The following EMILIN3 variants were observed in gnomAD, a reference collection of about 807,000 sequenced individuals.
The protein encoded by EMILIN3 is elastin microfibril interfacer 3, also known as EMILIN-3.
In EMILIN3, 38 loss-of-function variants were observed where a neutral mutation model predicts 42.8. The ratio of observed to expected loss-of-function variants is 0.89; its 90% CI spans 0.69 to 1.16. EMILIN3 has a LOEUF of 1.16. EMILIN3 is among the 50% of genes most tolerant of loss of function. EMILIN3 has a pLI of 0.00. For synonymous variants in EMILIN3, 430 were observed against 440.5 expected (o/e 0.98, Z 0.30); for missense variants, 924 against 999.5 (o/e 0.92, Z 1.02).
In EMILIN3 at chr20:41,366,253, G is replaced by C. The variant is rs2046393029; in HGVS notation, c.167+215C>G. Among the ~76,000 whole-genome samples the C allele has an allele frequency of 6.6e-6, 1 of 151,956 alleles. No individual in the cohort carries two copies. The highest frequency in any genetic ancestry group is 2.4e-5 in the African/African-American group (1 of 41,406). The stretch of plus-strand genomic sequence containing the variant: ...CCAGGATCCCAAGCCGCCGCGCCAG[G>C]CCCCCTCGGTTCCTTTTTCCTCGCC... On this transcript the variant is annotated intron_variant, in intron 1 of 3. Coordinates refer to ENST00000332312, the MANE Select transcript of EMILIN3 (RefSeq NM_052846.2). The surrounding 1 kb of genome is among the most constrained non-coding windows in gnomAD (Gnocchi z 4.2).
chr20:41,364,985 T>A lies in EMILIN3; in HGVS notation c.290+50A>T, dbSNP rs375694289. 9 of 1,609,488 alleles carry A rather than the reference T, an allele frequency of 5.6e-6. No homozygotes were observed. The African/African-American group carries it at 1.1e-4, about 19-fold the overall frequency. On this transcript the variant is annotated intron_variant, in intron 2 of 3. Coordinates refer to ENST00000332312, the MANE Select transcript of EMILIN3 (RefSeq NM_052846.2). Reference sequence around the variant, plus strand: ...AGCTGCTCTCAGCTGAAGGCAGGACTGGCGCTTGTGCCAGGGGATTCCAAG... The same window carrying A: ...AGCTGCTCTCAGCTGAAGGCAGGACAGGCGCTTGTGCCAGGGGATTCCAAG...
chr20:41,362,499 C>A lies in EMILIN3; in HGVS notation c.1070G>T (p.Gly357Val). 1 of 1,599,490 alleles carries A rather than the reference C, an allele frequency of 6.3e-7. No homozygotes were observed. ...ASRRLHQSLD[G>V]RELALRQELS... ...CTCCTGGCGCAGGGCCAGCTCCCGG[C>A]CATCAAGGCTCTGGTGCAGCCTCCG... Residue 357 changes from glycine to valine, a missense_variant, in exon 4 of 4, where the codon GGC becomes GTC. Coordinates refer to ENST00000332312, the MANE Select transcript of EMILIN3 (RefSeq NM_052846.2).
Position 41,365,058 on chromosome 20 carries a change from C to G in EMILIN3, c.267G>C (p.Gly89=). Residue 89 remains glycine, a synonymous_variant, in exon 2 of 4, where the codon GGG becomes GGC. Coordinates refer to ENST00000332312, the MANE Select transcript of EMILIN3 (RefSeq NM_052846.2). ...VKAEYRQCRW[G]PKCPGTVTYR... ...ACGTGACTGTCCCGGGGCACTTGGG[C>G]CCCCATCTACACTGCCGGTATTCAG... 6.2e-7 allele frequency: 1 copy of G among 1,613,760 alleles called. No homozygotes were observed. Among genetic ancestry groups the G allele is most frequent in the Non-Finnish European group, 8.5e-7 (1 of 1,179,722 alleles).
chr20:41,366,798 G>T lies in EMILIN3; in HGVS notation c.-164C>A. 9.7e-6 allele frequency: 3 copies of T among 308,966 alleles called. No homozygotes were observed. Among genetic ancestry groups the T allele is most frequent in the Non-Finnish European group, 9.4e-6 (2 of 211,870 alleles). The allele number at this position is 308,966 out of a possible 1,614,324, so 19.1% of individuals were successfully genotyped here. A position where few individuals can be genotyped will look rare whatever the true frequency, so the allele number is the denominator to read the frequency against. ...CTGGCCCGGCCGCCTGGCGCTTCGC[G>T]GCGGCTGCGTCCCGCGGAGTGGCCG... On this transcript the variant is annotated 5_prime_UTR_variant, in exon 1 of 4. Transcript: ENST00000332312. The surrounding 1 kb of genome is among the most constrained non-coding windows in gnomAD (Gnocchi z 4.2).
At position 41,362,391 on chromosome 20, in the gene EMILIN3, G is replaced by A; in HGVS notation, c.1178C>T (p.Ala393Val). ...SCCGQLALIN[A>V]RMDGLERALQ... ...GGCCCTCTCAAGGCCATCCATACGG[G>A]CATTGATCAAGGCTAGTTGCCCACA... Residue 393 changes from alanine (A) to valine (V), a missense_variant, in exon 4 of 4, where the codon GCC (alanine) becomes GTC (valine). Physicochemically the swap from Ala to Val is moderately conservative, Grantham distance 64. Transcript: ENST00000332312. 5 of 1,604,244 alleles carry A rather than the reference G, an allele frequency of 3.1e-6. No individual in the cohort carries two copies. Among genetic ancestry groups the A allele is most frequent in the Non-Finnish European group, 4.2e-6 (5 of 1,179,950 alleles).
At position 41,366,157 on chromosome 20, in the gene EMILIN3, C is replaced by A. The variant is rs1456971822; in HGVS notation, c.167+311G>T. 3.3e-5 allele frequency among the ~76,000 whole-genome samples: 5 copies of A among 152,190 alleles called. No individual in the cohort carries two copies. The highest frequency in any genetic ancestry group is 7.4e-5 in the Non-Finnish European group (5 of 68,010). ...TTTCCTCCTCTCCCTCCACCTGGTC[C>A]GCTCGCCCGGAGTCTGCACACAGCG... On this transcript the variant is annotated intron_variant, in intron 1 of 3. Transcript: ENST00000332312. The surrounding 1 kb of genome is among the most constrained non-coding windows in gnomAD (Gnocchi z 4.2).
chr20:41,362,901 G>C lies in EMILIN3; in HGVS notation c.668C>G (p.Pro223Arg). The part of the protein sequence containing the change: ...MTGGPRAPAV[P>R]VGFGVIPEGL... The stretch of plus-strand genomic sequence containing the variant: ...CTCAGGGATGACCCCAAAGCCCACA[G>C]GGACAGCAGGAGCCCTGGGGCCACC... The change falls in exon 4 of 4, where the codon CCT (proline) becomes CGT (arginine). Residue 223 changes from proline (P) to arginine (R), a missense_variant. By Grantham distance (103) the Pro-to-Arg change is moderately radical. Coordinates refer to ENST00000332312, the MANE Select transcript of EMILIN3 (RefSeq NM_052846.2). The C allele has an allele frequency of 6.2e-7, 1 of 1,613,664 alleles. No homozygotes were observed. Among genetic ancestry groups the C allele is most frequent in the Non-Finnish European group, 8.5e-7 (1 of 1,179,780 alleles).
Position 41,363,056 on chromosome 20 carries a change from T to A in EMILIN3, c.515-2A>T. 1 of 1,557,350 alleles carries A rather than the reference T, an allele frequency of 6.4e-7. No homozygotes were observed. Among genetic ancestry groups the A allele is most frequent in the Non-Finnish European group, 8.7e-7 (1 of 1,146,636 alleles). On this transcript the variant is annotated splice_acceptor_variant, in intron 3 of 3. Coordinates refer to ENST00000332312, the MANE Select transcript of EMILIN3 (RefSeq NM_052846.2). LOFTEE classifies it high-confidence loss of function. ...CAAACAGCCCTGGGCCTTTCCTTCCTGGGAAAGAGAAGAGAGCCCCAGGGG... is the reference window on the plus strand; with the variant it reads ...CAAACAGCCCTGGGCCTTTCCTTCCAGGGAAAGAGAAGAGAGCCCCAGGGG...
Position 41,361,754 on chromosome 20 carries a change from G to C in EMILIN3, c.1815C>G (p.Val605=), listed in dbSNP as rs774526398. ...CCAAGAAGGCATCAGAGTACTGGCTGACAGAGTCACTGAGGCCTGTGAGCG... is the reference window on the plus strand; with the variant it reads ...CCAAGAAGGCATCAGAGTACTGGCTCACAGAGTCACTGAGGCCTGTGAGCG... ...SKSLTGLSDS[V]SQYSDAFLAA... is the part of the protein sequence containing the mutation. The change falls in exon 4 of 4, where the codon GTC becomes GTG. Residue 605 remains valine, a synonymous_variant. Transcript: ENST00000332312. The C allele has an allele frequency of 1.2e-6, 2 of 1,613,656 alleles. No homozygotes were observed. Among genetic ancestry groups the C allele is most frequent in the Non-Finnish European group, 1.7e-6 (2 of 1,180,004 alleles).
chr20:41,363,504 G>GA, intron 3 of EMILIN3, 134 bp downstream of exon 3: 1 of 867,114 alleles, frequency 1.2e-6, no homozygotes, highest in Non-Finnish European at 1.7e-6. Flanking sequence ...ATGGTGGGGT[G>GA]AAAGTGGGGC....
Position 41,365,141 on chromosome 20 carries a change from C to T in EMILIN3, c.184G>A (p.Val62Met). The T allele has an allele frequency of 1.9e-6, 3 of 1,613,966 alleles. No individual in the cohort carries two copies. Among genetic ancestry groups the T allele is most frequent in the Non-Finnish European group, 2.5e-6 (3 of 1,179,906 alleles). The change falls in exon 2 of 4, where the codon GTG (valine) becomes ATG (methionine). Residue 62 changes from valine to methionine, a missense_variant. Transcript: ENST00000332312. ...PGPHKALCAY[V>M]VHRNVTCILQ... ...ATGCAGGTCACATTCCTGTGCACCA[C>T]ATAGGCACAGAGGGCCCTACAGGAG...
rs552672339 is a variant in EMILIN3 at position 41,366,323 on chromosome 20, G to A, written c.167+145C>T. Reference sequence around the variant, plus strand: ...GCGTAGGGCGCTCGCCTGGGCAGGGGCTCGGCCCCGGGCGCCGCCCCCTCT... The same window carrying A: ...GCGTAGGGCGCTCGCCTGGGCAGGGACTCGGCCCCGGGCGCCGCCCCCTCT... On this transcript the variant is annotated intron_variant, in intron 1 of 3. Transcript: ENST00000332312. This position sits in a 1 kb window ranked among gnomAD's most constrained non-coding sequence, Gnocchi z 4.2. The A allele has an allele frequency of 5.7e-4, 307 of 537,722 alleles. 5 individuals are homozygous for A. In the South Asian group the frequency reaches 0.022, roughly 39 times the overall value. 33.3% of individuals were successfully genotyped at this position (537,722 alleles called of 1,614,324 possible).
Position 41,366,464 on chromosome 20 carries a change from T to C in EMILIN3, c.167+4A>G, listed in dbSNP as rs1032851555. On this transcript the variant is annotated splice_donor_region_variant and intron_variant, in intron 1 of 3. Transcript: ENST00000332312. This position sits in a 1 kb window ranked among gnomAD's most constrained non-coding sequence, Gnocchi z 4.2. ...CTTCCCGCCCGCCGCCCGCCCGCGC[T>C]TACTTGTGCGGCCCCGGGCGCAGCC... 9.7e-5 allele frequency: 109 copies of C among 1,122,498 alleles called. 1 individual carries two copies. The Admixed American group carries it at 1.3e-3, about 13-fold the overall frequency. 69.5% of individuals were successfully genotyped at this position (1,122,498 alleles called of 1,614,324 possible).
Position 41,360,164 on chromosome 20 carries a change from T to C in EMILIN3, c.*1104A>G, listed in dbSNP as rs527980150. 11 of 152,704 alleles carry C rather than the reference T, an allele frequency of 7.2e-5. No homozygotes were observed. The highest frequency in any genetic ancestry group is 5.9e-4 in the Admixed American group (9 of 15,304). 9.5% of individuals were successfully genotyped at this position (152,704 alleles called of 1,614,324 possible). ...GTGTCAAGAGTCTCTGGGAACTGCA[T>C]AGGCCTGAGGAACATGCATTTTCAA... On this transcript the variant is annotated 3_prime_UTR_variant, in exon 4 of 4. Coordinates refer to ENST00000332312, the MANE Select transcript of EMILIN3 (RefSeq NM_052846.2).
rs1007660885 is a variant in EMILIN3, at chr20:41,361,042, G to A, written c.*226C>T. On this transcript the variant is annotated 3_prime_UTR_variant, in exon 4 of 4. Coordinates refer to ENST00000332312, the MANE Select transcript of EMILIN3 (RefSeq NM_052846.2). ...CTCTCAAGTCTACCCTGGCCTTCAA[G>A]CATGACATCCTTGCCTTGACCGCTG... is the stretch of plus-strand genomic sequence containing the variant. 8.1e-6 allele frequency: 4 copies of A among 495,136 alleles called. No individual in the cohort carries two copies. The highest frequency in any genetic ancestry group is 1.4e-5 in the Non-Finnish European group (4 of 281,766). The allele number at this position is 495,136 out of a possible 1,614,324, so 30.7% of individuals were successfully genotyped here.
rs778149036 is a variant in EMILIN3 at position 41,362,888 on chromosome 20, C to T, written c.681G>A (p.Gly227=). The change falls in exon 4 of 4, where the codon GGG becomes GGA. Residue 227 remains glycine (G), a synonymous_variant. Transcript: ENST00000332312. ...GGCCCACAAGCCCCTCAGGGATGAC[C>T]CCAAAGCCCACAGGGACAGCAGGAG... ...PRAPAVPVGF[G]VIPEGLVGPG... 11 of 1,613,548 alleles carry T rather than the reference C, an allele frequency of 6.8e-6. No homozygotes were observed. Among genetic ancestry groups the T allele is most frequent in the South Asian group, 2.2e-5 (2 of 91,076 alleles).
At position 41,360,963 on chromosome 20, in the gene EMILIN3, A is replaced by G; in HGVS notation, c.*305T>C. On this transcript the variant is annotated 3_prime_UTR_variant, in exon 4 of 4. Coordinates refer to ENST00000332312, the MANE Select transcript of EMILIN3 (RefSeq NM_052846.2). ...GCAGCTGCCCCTGCCAGCCATGCTC[A>G]GGCCCTGCAGCTGGCTGTCCAGACA... is the stretch of plus-strand genomic sequence containing the variant. The G allele has an allele frequency of 2.4e-6, 1 of 421,872 alleles. No individual in the cohort carries two copies. The highest frequency in any genetic ancestry group is 4.3e-6 in the Non-Finnish European group (1 of 234,366). 26.1% of individuals were successfully genotyped at this position (421,872 alleles called of 1,614,324 possible).
chr20:41,362,449 G>A lies in EMILIN3; in HGVS notation c.1120C>T (p.Gln374Ter). The A allele has an allele frequency of 6.2e-7, 1 of 1,600,072 alleles. No individual in the cohort carries two copies. ...QELSQLGSQL[Q>*]GLSVSGRGSC... is the part of the protein sequence containing the mutation. The stretch of plus-strand genomic sequence containing the variant: ...CCCCTGCCAGACACGCTCAGGCCCT[G>A]CAGCTGGCTGCCCAGCTGTGACAGC... Residue 374 changes from glutamine to a stop codon, truncating the protein, a stop_gained, in exon 4 of 4, where the codon CAG becomes TAG. Coordinates refer to ENST00000332312, the MANE Select transcript of EMILIN3 (RefSeq NM_052846.2). LOFTEE classifies it high-confidence loss of function.
chr20:41,366,193 A>C lies in EMILIN3; in HGVS notation c.167+275T>G, dbSNP rs1434946245. On this transcript the variant is annotated intron_variant, in intron 1 of 3. Coordinates refer to ENST00000332312, the MANE Select transcript of EMILIN3 (RefSeq NM_052846.2). The surrounding 1 kb of genome is among the most constrained non-coding windows in gnomAD (Gnocchi z 4.2). ...AGTCTGCACACAGCGCAGCTGGAAA[A>C]TGTTACTTCGCTGGAAAGGTTTCCG... is the stretch of plus-strand genomic sequence containing the variant. 6.6e-6 allele frequency among the ~76,000 whole-genome samples: 1 copy of C among 152,076 alleles called. No individual in the cohort carries two copies. The highest frequency in any genetic ancestry group is 2.4e-5 in the African/African-American group (1 of 41,420).
Sources: gnomAD v4.1 joint callset for allele counts (sites outside exome capture counted in the v4.1 genomes callset) on GRCh38, gnomAD v4.1.1 for gene constraint, Gnocchi (gnomAD v3.1) non-coding constraint, MANE v1.5 for transcripts, NCBI Gene and HGNC (gene_info 2026-07-23, HGNC 2026-07-21) for gene names.